WWC1: variants seen among roughly 807,000 people sequenced by gnomAD.
WWC1 encodes protein KIBRA.
WWC1 carries 55 observed loss-of-function variants against 138.4 expected under a neutral mutation model. The observed-to-expected ratio is 0.40, with a 90% confidence interval of 0.32 to 0.50. The LOEUF (loss-of-function observed/expected upper bound fraction) is 0.50. Among genes scored for constraint, WWC1 ranks in the 20% least tolerant of loss-of-function variants. The probability of loss-of-function intolerance (pLI) is 0.72; values close to 1 mark genes in which losing one functional copy is unlikely to be tolerated. For missense variants in WWC1, 1,226 were observed against 1,420.4 expected (o/e 0.86, Z 2.20); for synonymous variants, 524 against 564.9 (o/e 0.93, Z 1.03).
chr5:168,295,483 CGTGTGT>C (rs3138761), intron 1 of WWC1, among the ~76,000 whole-genome samples: 41 of 142,476 alleles, frequency 2.9e-4, no homozygotes, highest in African/African-American at 6.4e-4. Flanking sequence ...ATTTCTACTC[CGTGTGT>C]GTGTGTGTGT....
chr5:168,389,509 CTCTGACA>C (rs1236793701), intron 3 of WWC1, among the ~76,000 whole-genome samples: 4 of 150,144 alleles, frequency 2.7e-5, no homozygotes, highest in African/African-American at 9.7e-5. Flanking sequence ...GGCAGCTGGA[CTCTGACA>C]TCAGACAACC....
chr5:168,324,876 G>A (rs1167008853), intron 1 of WWC1, among the ~76,000 whole-genome samples: 1 of 152,196 alleles, frequency 6.6e-6, no homozygotes, highest in Non-Finnish European at 1.5e-5. Context: ...TATTGGAATG[G>A]CTGTCAGCAT....
chr5:168,322,107 A>G (rs935265393), intron 1 of WWC1, among the ~76,000 whole-genome samples: 1 of 152,204 alleles, frequency 6.6e-6, no homozygotes, highest in African/African-American at 2.4e-5. Context: ...ACAAGAATAC[A>G]GTGGAGTTTT....
chr5:168,384,522 A>G lies in WWC1; in HGVS notation c.230-689A>G, dbSNP rs181900637. ...CTAATTCACATTTCCAGCTGGCTAT[A>G]GGGTACCTATTTCTCCACATCCTCT... is the stretch of plus-strand genomic sequence containing the variant. On this transcript the variant is annotated intron_variant, in intron 2 of 22. Transcript: ENST00000265293. 4.8e-3 allele frequency among the ~76,000 whole-genome samples: 735 copies of G among 152,214 alleles called. 7 individuals carry two copies. The highest frequency in any genetic ancestry group is 0.017 in the African/African-American group (708 of 41,516).
intron 1 of WWC1, among the ~76,000 whole-genome samples, chr5:168,309,211 G>C (rs778228593): frequency 2.0e-5 from 3 of 152,142 alleles, no homozygotes; most frequent in Non-Finnish European, 4.4e-5. Flanking sequence ...TTCCCTAGGG[G>C]TGTCCTGTGT....
chr5:168,466,477 A>G (rs959805801), intron 21 of WWC1, among the ~76,000 whole-genome samples: 20 of 152,362 alleles, frequency 1.3e-4, no homozygotes, highest in Non-Finnish European at 4.4e-5. Flanking sequence ...AACTCTCAGG[A>G]CCATCAGCTG....
chr5:168,381,427 C>T (rs1244463138), intron 2 of WWC1, among the ~76,000 whole-genome samples: 2 of 152,186 alleles, frequency 1.3e-5, no homozygotes, highest in African/African-American at 4.8e-5. Flanking sequence ...GCCCGCATCG[C>T]ACCTGCCAGC....
intron 2 of WWC1, among the ~76,000 whole-genome samples, chr5:168,375,845 G>C (rs1777126348): frequency 6.6e-6 from 1 of 151,998 alleles, no homozygotes; most frequent in Non-Finnish European, 1.5e-5. Context: ...AAAGTGCTGG[G>C]AATACAGACG....
chr5:168,433,210 C>G (rs1206218501), intron 15 of WWC1, among the ~76,000 whole-genome samples: 2 of 152,244 alleles, frequency 1.3e-5, no homozygotes, highest in Non-Finnish European at 2.9e-5. Flanking sequence ...GCGCTTCAAA[C>G]TGTGCCATGC....
chr5:168,376,403 C>T (rs1777170517), intron 2 of WWC1, among the ~76,000 whole-genome samples: 1 of 152,062 alleles, frequency 6.6e-6, no homozygotes, highest in Non-Finnish European at 1.5e-5. Flanking sequence ...TACATTTTAA[C>T]ACATAATGGA....
chr5:168,338,092 CCT>C (rs1417377485), intron 1 of WWC1, among the ~76,000 whole-genome samples: 2 of 152,024 alleles, frequency 1.3e-5, no homozygotes, highest in Non-Finnish European at 2.9e-5. Flanking sequence ...GGGCAGATCA[CCT>C]GAGGTCAGGA....
intron 1 of WWC1, among the ~76,000 whole-genome samples, chr5:168,308,700 G>A (rs1272202716): frequency 1.3e-5 from 2 of 152,174 alleles, no homozygotes; most frequent in African/African-American, 4.8e-5. Context: ...GAACCTCCAA[G>A]TGATTTTGAT....
chr5:168,376,039 A>G (rs1183205707), intron 2 of WWC1, among the ~76,000 whole-genome samples: 2 of 150,568 alleles, frequency 1.3e-5, no homozygotes, highest in East Asian at 3.9e-4. Flanking sequence ...GGGATGCTAT[A>G]TAATCTTCAT....
At chr5:168,298,458 A>G (rs774946243) in intron 1 of WWC1, among the ~76,000 whole-genome samples, 1 of 152,204 alleles carries the variant, frequency 6.6e-6, no homozygotes, top group Non-Finnish European at 1.5e-5. Context: ...TATAATAATA[A>G]TACTTACATA....
In WWC1 at chr5:168,391,174, A is replaced by T. The variant is rs1269537363; in HGVS notation, c.433+5760A>T. On this transcript the variant is annotated intron_variant, in intron 3 of 22. Coordinates refer to ENST00000265293, the MANE Select transcript of WWC1 (RefSeq NM_015238.3). ...GCTGGGTTCTTTGGGACCTTATCAT[A>T]TTTTTCCCCTCCCTAGGCCTTGATT... 9.2e-5 allele frequency among the ~76,000 whole-genome samples: 14 copies of T among 152,252 alleles called. No homozygotes were observed. In the East Asian group the frequency reaches 2.7e-3, roughly 29 times the overall value.
At chr5:168,423,459 G>A in intron 10 of WWC1, 74 bp from the exon 11 acceptor site, 1 of 1,488,148 alleles carries the variant, frequency 6.7e-7, no homozygotes, top group Non-Finnish European at 9.0e-7. Context: ...GTGCTTTCCA[G>A]AGCTCAGCAG....
Position 168,467,611 on chromosome 5 carries a change from C to T in WWC1, c.3151-229C>T, listed in dbSNP as rs1209395681. ...CATTTCAACAGGCAGCCCTCATCTC[C>T]TCAATTCCTCAGATCCACAGTTATT... is the stretch of plus-strand genomic sequence containing the variant. On this transcript the variant is annotated intron_variant, in intron 21 of 22. Coordinates refer to ENST00000265293, the MANE Select transcript of WWC1 (RefSeq NM_015238.3). 7 of 563,970 alleles carry T rather than the reference C, an allele frequency of 1.2e-5. No homozygotes were observed. In the East Asian group the frequency reaches 1.3e-4, roughly 10 times the overall value. 34.9% of individuals were successfully genotyped at this position (563,970 alleles called of 1,614,324 possible).
At chr5:168,405,485 A>T (rs927664127) in intron 5 of WWC1, among the ~76,000 whole-genome samples, 1 of 152,186 alleles carries the variant, frequency 6.6e-6, no homozygotes, top group Admixed American at 6.5e-5. Context: ...CAAGTCAACG[A>T]TGCTACCGCA....
intron 21 of WWC1, among the ~76,000 whole-genome samples, chr5:168,465,976 C>A (rs111729719): frequency 4.6e-5 from 7 of 152,200 alleles, no homozygotes; most frequent in African/African-American, 1.7e-4. Context: ...TAGGGGAGAG[C>A]TCGGGAAGAG....
Sources: gnomAD v4.1 joint callset for allele counts (sites outside exome capture counted in the v4.1 genomes callset) on GRCh38, gnomAD v4.1.1 for gene constraint, MANE v1.5 for transcripts, NCBI Gene and HGNC (gene_info 2026-07-23, HGNC 2026-07-21) for gene names.